Variants in RAD52 observed in about 807,000 individuals in gnomAD.
RAD52 encodes RAD52 DNA repair protein, also known as DNA repair protein RAD52 homolog.
A neutral mutation model predicts 55.5 loss-of-function variants in RAD52; 47 were observed. The observed-to-expected ratio is 0.85, with a 90% confidence interval of 0.67 to 1.08. RAD52 has a LOEUF of 1.08. Ranked by LOEUF, RAD52 falls within the 50% of genes least tolerant of loss-of-function variation. RAD52 has a pLI of 0.00. For missense variants in RAD52, 468 were observed against 522.8 expected (o/e 0.90, Z 1.02); for synonymous variants, 184 against 198.9 (o/e 0.92, Z 0.63).
At chr12:986,615 T>C (rs1959088922) in intron 1 of RAD52, among the ~76,000 whole-genome samples, 1 of 152,168 alleles carries the variant, frequency 6.6e-6, no homozygotes. Flanking sequence ...TCTTCTTGTC[T>C]CAGCCTCCAG....
intron 1 of RAD52, among the ~76,000 whole-genome samples, chr12:961,279 C>T (rs1331734097): frequency 1.8e-5 from 2 of 112,678 alleles, no homozygotes; most frequent in Admixed American, 1.1e-4. Flanking sequence ...CATTGCACTC[C>T]AGCCTGGGTG....
intron 1 of RAD52, among the ~76,000 whole-genome samples, chr12:964,533 G>A (rs763314514): frequency 8.6e-5 from 13 of 151,840 alleles, no homozygotes; most frequent in Non-Finnish European, 1.6e-4. Context: ...GTGCCACTGC[G>A]CTCCATCTCA....
intron 1 of RAD52, among the ~76,000 whole-genome samples, chr12:989,280 C>T (rs1959135536): frequency 6.6e-6 from 1 of 152,126 alleles, no homozygotes; most frequent in Non-Finnish European, 1.5e-5. Context: ...TTCTACAGCA[C>T]CCTCTACACC....
intron 1 of RAD52, among the ~76,000 whole-genome samples, chr12:940,649 T>C (rs907758883): frequency 3.3e-5 from 5 of 151,722 alleles, no homozygotes; most frequent in Admixed American, 2.6e-4. Context: ...AGAGAAAGGG[T>C]ACCCTCTGAA....
At chr12:917,327 G>A (rs1956451630) in intron 7 of RAD52, among the ~76,000 whole-genome samples, 1 of 152,188 alleles carries the variant, frequency 6.6e-6, no homozygotes, top group African/African-American at 2.4e-5. Context: ...CTTCCAGAAC[G>A]GGGCTGCTCT....
chr12:947,899 A>C (rs897713615), intron 1 of RAD52, among the ~76,000 whole-genome samples: 15 of 148,494 alleles, frequency 1.0e-4, no homozygotes, highest in South Asian at 2.1e-4. Context: ...AAAAAAAAAA[A>C]AAACAAAAAA....
rs1270414637 is a variant in RAD52 at position 916,251 on chromosome 12, C to T, written c.865+93G>A. 3.9e-6 allele frequency: 6 copies of T among 1,540,104 alleles called. No individual in the cohort carries two copies. In the African/African-American group the frequency reaches 5.6e-5, roughly 14 times the overall value. ...GTCCCAGCGAGGCCTGGTTTGGAGC[C>T]GGCCCAGGGTTACCGCAGAGAATCA... On this transcript the variant is annotated intron_variant, in intron 9 of 11. Coordinates refer to ENST00000358495, the MANE Select transcript of RAD52 (RefSeq NM_134424.4).
At chr12:974,989 T>G (rs779955957) in intron 1 of RAD52, 1 of 152,142 alleles carries the variant, frequency 6.6e-6, no homozygotes, top group Admixed American at 6.6e-5. Context: ...GGACCAAAGA[T>G]AGGTGAGTAC....
In RAD52 at chr12:979,539, G is replaced by A. The variant is rs188015061; in HGVS notation, c.-19+10270C>T. Among the ~76,000 whole-genome samples the A allele has an allele frequency of 4.2e-4, 63 of 150,230 alleles. 1 individual carries two copies. The highest frequency in any genetic ancestry group is 1.4e-3 in the African/African-American group (56 of 41,166). On this transcript the variant is annotated intron_variant, in intron 1 of 11. Transcript: ENST00000430095. ...GAAGAGACACCAGACCACATGTGCC[G>A]TCTCTCTCTCTCTCTCTGTGCGTGT... is the stretch of plus-strand genomic sequence containing the variant.
rs1956120581 is a variant in RAD52, at chr12:912,035, G to GTTT, written c.*1355_*1356insAAA. 5.0e-6 allele frequency: 1 copy of GTTT among 199,252 alleles called. No homozygotes were observed. The highest frequency in any genetic ancestry group is 2.3e-5 in the African/African-American group (1 of 43,166). 12.3% of individuals were successfully genotyped at this position (199,252 alleles called of 1,614,324 possible). ...CCAGACCCCCCCTCTCAAAAAAAAA[G>GTTT]TTGTTAAACTGCAAACTTCATTATT... On this transcript the variant is annotated 3_prime_UTR_variant, in exon 12 of 12. Transcript: ENST00000358495.
chr12:981,771 T>TAAATA (rs59388253), intron 1 of RAD52, among the ~76,000 whole-genome samples: 12,767 of 139,618 alleles, frequency 0.091, 746 homozygotes, highest in African/African-American at 0.16. Flanking sequence ...AATAAATAAA[T>TAAATA]AAATAAAATA....
At chr12:978,841 C>T (rs1419152204) in intron 1 of RAD52, among the ~76,000 whole-genome samples, 1 of 151,754 alleles carries the variant, frequency 6.6e-6, no homozygotes, top group Non-Finnish European at 1.5e-5. Flanking sequence ...CACTGCACTC[C>T]AGCCTGGGTG....
Position 942,971 on chromosome 12 carries a change from C to G in RAD52, c.-19+6631G>C, listed in dbSNP as rs544836115. On this transcript the variant is annotated intron_variant, in intron 1 of 11. Transcript: ENST00000358495. ...CAGGATATAAAGGTTATATAAATAA[C>G]TGCTACAACTCAATAATAAAAAGAC... Among the ~76,000 whole-genome samples the G allele has an allele frequency of 2.0e-5, 3 of 152,264 alleles. No homozygotes were observed. In the East Asian group the frequency reaches 5.8e-4, roughly 29 times the overall value.
At chr12:927,414 T>A in intron 5 of RAD52, 151 bp from the exon 6 acceptor site, 1 of 678,520 alleles carries the variant, frequency 1.5e-6, no homozygotes, top group Non-Finnish European at 2.6e-6. Flanking sequence ...TGAGAATCCA[T>A]CGCGAGTGCT....
intron 7 of RAD52, among the ~76,000 whole-genome samples, chr12:924,025 C>T (rs1314645763): frequency 1.3e-5 from 2 of 150,542 alleles, no homozygotes; most frequent in African/African-American, 4.9e-5. Flanking sequence ...CACTACTGCA[C>T]TCCAGCCTGG....
rs775753893 is a variant in RAD52, at chr12:931,297, G to A, written c.109C>T (p.Gln37Ter). 6.2e-7 allele frequency: 1 copy of A among 1,610,284 alleles called. No individual in the cohort carries two copies. The highest frequency in any genetic ancestry group is 8.5e-7 in the Non-Finnish European group (1 of 1,178,720). Residue 37 changes from glutamine to a stop codon, truncating the protein, a stop_gained, in exon 3 of 12, where the codon CAG becomes TAG. Transcript: ENST00000358495. LOFTEE classifies it high-confidence loss of function. Reference protein sequence around the residue: ...GQCQYTAEEYQAIQKALRQRL... With the variant: ...GQCQYTAEEY ...TGCCTCAGGGCCTTCTGGATGGCCT[G>A]GTACTCTTCTGCTGTGTACTGGCAC...
At chr12:990,259 G>C (rs1235434545), upstream of RAD52, 1 of 151,708 alleles carries the variant, frequency 6.6e-6, no homozygotes, top group Non-Finnish European at 1.5e-5. Context: ...GGAAGGCTGG[G>C]AATAAATATA....
intron 1 of RAD52, among the ~76,000 whole-genome samples, chr12:973,329 A>G (rs982347661): frequency 1.3e-5 from 2 of 152,136 alleles, no homozygotes; most frequent in Non-Finnish European, 2.9e-5. Flanking sequence ...TGGGCCTCCC[A>G]AAGTGCTGGG....
chr12:934,918 G>A (rs1286231160), intron 1 of RAD52, among the ~76,000 whole-genome samples: 4 of 152,080 alleles, frequency 2.6e-5, no homozygotes, highest in Admixed American at 2.6e-4. Flanking sequence ...TTCGAGATCA[G>A]CCTGACCAAC....
Sources: gnomAD v4.1 joint callset for allele counts (sites outside exome capture counted in the v4.1 genomes callset) on GRCh38, gnomAD v4.1.1 for gene constraint, MANE v1.5 for transcripts, NCBI Gene and HGNC (gene_info 2026-07-23, HGNC 2026-07-21) for gene names.